GNAQ: variants seen among roughly 807,000 people sequenced by gnomAD.
GNAQ encodes guanine nucleotide-binding protein G(q) subunit alpha.
GNAQ carries 8 observed loss-of-function variants against 43.9 expected under a neutral mutation model. That is an observed-to-expected ratio of 0.18 (90% confidence interval 0.11 to 0.33). The LOEUF (loss-of-function observed/expected upper bound fraction) is 0.33, where lower values mean the gene tolerates loss of function less well. Among genes scored for constraint, GNAQ ranks in the 10% least tolerant of loss-of-function variants. GNAQ has a pLI of 1.00. For synonymous variants in GNAQ, 155 were observed against 170.7 expected (o/e 0.91, Z 0.71); for missense variants, 158 against 450.8 (o/e 0.35, Z 5.88).
intron 1 of GNAQ, among the ~76,000 whole-genome samples, chr9:77,999,294 G>T (rs991693308): frequency 1.3e-5 from 2 of 152,028 alleles, no homozygotes; most frequent in Non-Finnish European, 2.9e-5. Context: ...ACTCCATCCG[G>T]GAAGTTATGG....
At chr9:77,997,775 C>T (rs982519230) in intron 1 of GNAQ, among the ~76,000 whole-genome samples, 2 of 152,188 alleles carry the variant, frequency 1.3e-5, no homozygotes, top group Non-Finnish European at 2.9e-5. Context: ...TAATCACAGG[C>T]ACCCGGCGGG....
intron 2 of GNAQ, among the ~76,000 whole-genome samples, chr9:77,822,201 T>C (rs924123384): frequency 1.3e-5 from 2 of 152,292 alleles, no homozygotes; most frequent in South Asian, 2.1e-4. Flanking sequence ...TTTTTTTGCC[T>C]CCAGATCTGT....
intron 1 of GNAQ, among the ~76,000 whole-genome samples, chr9:78,011,080 C>T (rs1361002590): frequency 6.6e-6 from 1 of 152,042 alleles, no homozygotes; most frequent in Non-Finnish European, 1.5e-5. Context: ...CAAGAAAATC[C>T]CAAAAACAGC....
At chr9:77,914,481 G>C (rs1007554901) in intron 2 of GNAQ, among the ~76,000 whole-genome samples, 2 of 152,122 alleles carry the variant, frequency 1.3e-5, no homozygotes, top group African/African-American at 4.8e-5. Context: ...CCAACATGGA[G>C]AAACCTTGTC....
intron 1 of GNAQ, among the ~76,000 whole-genome samples, chr9:78,021,855 G>T (rs527954645): frequency 6.6e-5 from 10 of 152,360 alleles, no homozygotes; most frequent in Admixed American, 2.6e-4. Flanking sequence ...TTGAGGATAC[G>T]GAAGAAAAGA....
At chr9:77,825,839 C>T (rs1827186240) in intron 2 of GNAQ, among the ~76,000 whole-genome samples, 1 of 152,064 alleles carries the variant, frequency 6.6e-6, no homozygotes, top group Non-Finnish European at 1.5e-5. Flanking sequence ...GTATCTCAGG[C>T]AAACTAGGAC....
chr9:77,837,847 A>ATT (rs71360655), intron 2 of GNAQ, among the ~76,000 whole-genome samples: 1,398 of 128,948 alleles, frequency 0.011, 18 homozygotes, highest in African/African-American at 0.014. Flanking sequence ...AGTGATTTAA[A>ATT]TTTTTTTTTT....
At chr9:77,911,393 G>A (rs1010950600) in intron 2 of GNAQ, among the ~76,000 whole-genome samples, 2 of 152,268 alleles carry the variant, frequency 1.3e-5, no homozygotes, top group East Asian at 3.9e-4. Flanking sequence ...GTTTACAGTT[G>A]CACCTGTGCT....
chr9:77,934,039 AAAGGCCTAAG>A (rs1479391126), intron 1 of GNAQ, among the ~76,000 whole-genome samples: 4 of 152,206 alleles, frequency 2.6e-5, no homozygotes, highest in Admixed American at 1.3e-4. Context: ...TAACAGAGGA[AAAGGCCTAAG>A]ATGGATTTGA....
chr9:77,824,274 T>C (rs762879680), intron 2 of GNAQ, among the ~76,000 whole-genome samples: 3 of 152,234 alleles, frequency 2.0e-5, no homozygotes, highest in Non-Finnish European at 4.4e-5. Context: ...TTAATAGTTT[T>C]AATTCAGAAA....
intron 1 of GNAQ, among the ~76,000 whole-genome samples, chr9:77,971,443 G>T (rs559280190): frequency 2.2e-4 from 33 of 152,266 alleles, no homozygotes; most frequent in African/African-American, 7.2e-4. Context: ...AATTAAGATG[G>T]CTTCATCCCT....
intron 5 of GNAQ, among the ~76,000 whole-genome samples, chr9:77,742,818 T>C (rs752902113): frequency 6.6e-6 from 1 of 152,044 alleles, no homozygotes; most frequent in African/African-American, 2.4e-5. Flanking sequence ...GCAGACAACG[T>C]TGAAAGACCT....
intron 3 of GNAQ, among the ~76,000 whole-genome samples, chr9:77,810,203 C>T (rs1564117221): frequency 6.9e-6 from 1 of 143,920 alleles, no homozygotes; most frequent in East Asian, 2.0e-4. Context: ...TAAAAACTGT[C>T]AATCATCTAT....
intron 2 of GNAQ, among the ~76,000 whole-genome samples, chr9:77,875,728 T>C (rs1564137785): frequency 1.3e-5 from 2 of 152,162 alleles, no homozygotes; most frequent in Admixed American, 6.5e-5. Context: ...CCAATGGGAA[T>C]TGCTCAAAGT....
chr9:77,872,757 G>C (rs1402776682), intron 2 of GNAQ, among the ~76,000 whole-genome samples: 1 of 152,132 alleles, frequency 6.6e-6, no homozygotes. Context: ...TCCTGTTTCT[G>C]TATTTTTAAT....
At chr9:77,865,723 T>C (rs953446795) in intron 2 of GNAQ, among the ~76,000 whole-genome samples, 1 of 152,180 alleles carries the variant, frequency 6.6e-6, no homozygotes, top group Non-Finnish European at 1.5e-5. Context: ...GATCTCAGCT[T>C]TCTTTCACCC....
At chr9:77,845,206 A>G (rs1405596781) in intron 2 of GNAQ, among the ~76,000 whole-genome samples, 1 of 152,220 alleles carries the variant, frequency 6.6e-6, no homozygotes, top group Non-Finnish European at 1.5e-5. Flanking sequence ...CAGAAAATCT[A>G]AAATGGTATT....
intron 2 of GNAQ, among the ~76,000 whole-genome samples, chr9:77,833,125 C>A (rs1170265174): frequency 6.6e-6 from 1 of 152,108 alleles, no homozygotes; most frequent in Admixed American, 6.6e-5. Context: ...CACCACCACA[C>A]CTGGCTAATT....
At chr9:77,923,416 G>T (rs1353535471) in intron 1 of GNAQ, among the ~76,000 whole-genome samples, 2 of 152,016 alleles carry the variant, frequency 1.3e-5, no homozygotes, top group East Asian at 3.9e-4. Flanking sequence ...TAAGCCTGAA[G>T]GTAACCCCTA....
Sources: allele counts gnomAD v4.1 joint callset (sites outside exome capture counted in the v4.1 genomes callset), GRCh38; gene constraint gnomAD v4.1.1; transcripts MANE v1.5; gene names NCBI Gene and HGNC (gene_info 2026-07-23, HGNC 2026-07-21).